Variants in SYNE1 observed in about 807,000 individuals in gnomAD.
The protein encoded by SYNE1 is spectrin repeat containing nuclear envelope protein 1.
In SYNE1, 616 loss-of-function variants were observed where a neutral mutation model predicts 1,111.0. The observed-to-expected ratio is 0.55, with a 90% CI of 0.52 to 0.59. The LOEUF (loss-of-function observed/expected upper bound fraction) is 0.59, where lower values mean the gene tolerates loss of function less well. Among genes scored for constraint, SYNE1 ranks in the 20% least tolerant of loss-of-function variants. The pLI is 0.00. For missense variants in SYNE1, 10,006 were observed against 10,417.0 expected, an observed-to-expected ratio of 0.96 and a Z score of 1.72; for synonymous variants, 3,855 against 3,825.8, an observed-to-expected ratio of 1.01 and a Z score of -0.28.
intron 74 of SYNE1, among the ~76,000 whole-genome samples, chr6:152,339,618 C>T (rs907069701): frequency 1.1e-4 from 17 of 152,160 alleles, no homozygotes; most frequent in Admixed American, 3.3e-4. Context: ...AAGGGGAAAA[C>T]GCAAGAAACT....
chr6:152,482,676 C>T (rs969239743), intron 14 of SYNE1, among the ~76,000 whole-genome samples: 1 of 152,096 alleles, frequency 6.6e-6, no homozygotes, highest in African/African-American at 2.4e-5. Context: ...TCCTTCTACC[C>T]CCACCCCACA....
intron 145 of SYNE1, chr6:152,125,428 C>A: frequency 6.8e-7 from 1 of 1,480,282 alleles, no homozygotes; most frequent in South Asian, 1.3e-5. Flanking sequence ...TGTTTTGAGG[C>A]AGTTACATGA....
At chr6:152,309,175 A>G (rs763307793) in intron 90 of SYNE1, among the ~76,000 whole-genome samples, 1 of 152,174 alleles carries the variant, frequency 6.6e-6, no homozygotes, top group Non-Finnish European at 1.5e-5. Context: ...GTATATACAC[A>G]TATGAAGTAT....
intron 62 of SYNE1, 49 bp downstream of exon 62, chr6:152,367,169 G>C (rs1240169596): frequency 6.2e-7 from 1 of 1,613,302 alleles, no homozygotes; most frequent in South Asian, 1.1e-5. Context: ...GAAATTTTGA[G>C]AAAAACAAAT....
At chr6:152,338,973 TAAGGAGGAGAAA>T (rs2096471356) in intron 75 of SYNE1, among the ~76,000 whole-genome samples, 1 of 152,016 alleles carries the variant, frequency 6.6e-6, no homozygotes, top group Non-Finnish European at 1.5e-5. Context: ...GAATGGTCAT[TAAGGAGGAGAAA>T]AAAGAAAGGT....
chr6:152,194,026 A>G (rs1022222117), intron 127 of SYNE1, among the ~76,000 whole-genome samples: 1 of 145,288 alleles, frequency 6.9e-6, no homozygotes, highest in South Asian at 2.2e-4. Context: ...AAAAAAAAAA[A>G]GGTATAGCTT....
chr6:152,569,625 G>A (rs1161856039), intron 3 of SYNE1, among the ~76,000 whole-genome samples: 2 of 152,118 alleles, frequency 1.3e-5, no homozygotes, highest in Non-Finnish European at 2.9e-5. Context: ...TGGGTCATAA[G>A]CAGCTTTAGG....
chr6:152,239,916 G>A (rs942007119), intron 107 of SYNE1, among the ~76,000 whole-genome samples: 11 of 152,238 alleles, frequency 7.2e-5, no homozygotes, highest in African/African-American at 2.6e-4. Context: ...AAATCAGCCG[G>A]GCATGCTGGT....
chr6:152,260,230 C>G (rs1309267465), intron 101 of SYNE1, among the ~76,000 whole-genome samples: 1 of 152,134 alleles, frequency 6.6e-6, no homozygotes, highest in Non-Finnish European at 1.5e-5. Flanking sequence ...ACTGTACATA[C>G]CTCTCCTATT....
chr6:152,517,804 CA>C (rs2099119432), intron 6 of SYNE1, among the ~76,000 whole-genome samples: 1 of 151,850 alleles, frequency 6.6e-6, no homozygotes, highest in African/African-American at 2.4e-5. Context: ...GGAAAAAATG[CA>C]AAATGTATGT....
At chr6:152,533,712 A>T (rs2099217416) in intron 4 of SYNE1, among the ~76,000 whole-genome samples, 1 of 152,056 alleles carries the variant, frequency 6.6e-6, no homozygotes, top group East Asian at 1.9e-4. Flanking sequence ...GATCTTCTTT[A>T]CTGTCCATCT....
intron 130 of SYNE1, among the ~76,000 whole-genome samples, chr6:152,172,666 G>A (rs965026392): frequency 9.2e-5 from 14 of 152,186 alleles, no homozygotes; most frequent in Non-Finnish European, 1.3e-4. Flanking sequence ...TTTCTGCACT[G>A]GATTCATTGA....
In SYNE1 at chr6:152,364,926, T is replaced by C; in HGVS notation, c.10066A>G (p.Ile3356Val). 1 of 1,614,248 alleles carries C rather than the reference T, an allele frequency of 6.2e-7. No individual in the cohort carries two copies. The highest frequency in any genetic ancestry group is 8.5e-7 in the Non-Finnish European group (1 of 1,180,040). Residue 3356 changes from isoleucine (I) to valine (V), a missense_variant, in exon 63 of 146, where the codon ATT (isoleucine) becomes GTT (valine). Ile to Val is a conservative substitution (Grantham distance 29, BLOSUM62 3). This residue lies in a region of SYNE1 where 4,955 missense variants were observed against 5,017.2 expected (regional missense o/e 0.99). Transcript: ENST00000367255. ...SVLQNTSPEG[I>V]PTIQQQLQSV... Reference sequence around the variant, plus strand: ...TGCAGCTGCTGCTGAATAGTGGGAATGCCTTCTGGAGAAGTATTCTGAAGG... The same window carrying C: ...TGCAGCTGCTGCTGAATAGTGGGAACGCCTTCTGGAGAAGTATTCTGAAGG...
intron 3 of SYNE1, among the ~76,000 whole-genome samples, chr6:152,594,772 A>G (rs2099576267): frequency 6.6e-6 from 1 of 152,162 alleles, no homozygotes; most frequent in Non-Finnish European, 1.5e-5. Context: ...CTCAACTCTC[A>G]GTCTCTCCTG....
intron 116 of SYNE1, among the ~76,000 whole-genome samples, chr6:152,225,266 C>G (rs1331064507): frequency 2.1e-5 from 3 of 141,306 alleles, no homozygotes; most frequent in African/African-American, 8.0e-5. Flanking sequence ...CCATATCTAT[C>G]TCACATATGC....
chr6:152,631,218 T>A (rs1245866816), intron 2 of SYNE1, among the ~76,000 whole-genome samples: 1 of 151,992 alleles, frequency 6.6e-6, no homozygotes, highest in African/African-American at 2.4e-5. Context: ...TTGAGCTGAG[T>A]CTTGGTAAAT....
Position 152,229,211 on chromosome 6 carries a change from T to G in SYNE1, c.21195+1336A>C, listed in dbSNP as rs188808127. Among the ~76,000 whole-genome samples, 150 of 152,318 alleles carry G rather than the reference T, an allele frequency of 9.8e-4. No homozygotes were observed. The Middle Eastern group carries it at 0.017, about 17-fold the overall frequency. ...GAGAGAAGCTTTTCTGTAGAATTAC[T>G]TCACTGTTTAGTTTTCAATTGTTTT... is the stretch of plus-strand genomic sequence containing the variant. On this transcript the variant is annotated intron_variant, in intron 115 of 145. Coordinates refer to ENST00000367255, the MANE Select transcript of SYNE1 (RefSeq NM_182961.4).
intron 91 of SYNE1, among the ~76,000 whole-genome samples, chr6:152,307,897 A>G (rs1338529094): frequency 6.6e-6 from 1 of 152,116 alleles, no homozygotes; most frequent in Non-Finnish European, 1.5e-5. Flanking sequence ...CAGTGGCGCG[A>G]TCTTGGCTCA....
In SYNE1 at chr6:152,472,596, C is replaced by G; in HGVS notation, c.1351-183G>C. The G allele has an allele frequency of 7.1e-6, 5 of 705,884 alleles. 1 individual carries two copies. The South Asian group carries it at 7.4e-5, about 10-fold the overall frequency. The allele number at this position is 705,884 out of a possible 1,614,324, so 43.7% of individuals were successfully genotyped here. On this transcript the variant is annotated intron_variant, in intron 14 of 145. Coordinates refer to ENST00000367255, the MANE Select transcript of SYNE1 (RefSeq NM_182961.4). ...CTTGAATAGGAGCTGGGTGCTTGTA[C>G]TTAAAACACTATGCTGGAACTGCAT...
Sources: gnomAD v4.1 joint callset for allele counts (sites outside exome capture counted in the v4.1 genomes callset) on GRCh38, gnomAD v4.1.1 for gene constraint, gnomAD v4.1.1 regional missense constraint, MANE v1.5 for transcripts, NCBI Gene and HGNC (gene_info 2026-07-23, HGNC 2026-07-21) for gene names.